The following DOCK11 variants were observed in gnomAD, a reference collection of about 807,000 sequenced individuals.
DOCK11 encodes dedicator of cytokinesis 11.
DOCK11 carries 70 observed loss-of-function variants against 169.1 expected under a neutral mutation model. The ratio of observed to expected loss-of-function variants is 0.41; its 90% CI spans 0.34 to 0.51. The LOEUF is 0.51. Among genes scored for constraint, DOCK11 ranks in the 20% least tolerant of loss-of-function variants. The probability of loss-of-function intolerance (pLI) is 0.10; values close to 1 mark genes in which losing one functional copy is unlikely to be tolerated. For missense variants in DOCK11, 1,166 were observed against 1,538.8 expected (o/e 0.76, Z 4.05); for synonymous variants, 529 against 541.3 (o/e 0.98, Z 0.32).
intron 18 of DOCK11, 122 bp from the exon 19 acceptor site, chrX:118,590,088 G>A: frequency 1.9e-6 from 1 of 527,570 alleles, no homozygotes; most frequent in East Asian, 3.5e-5. Flanking sequence ...GGCTCACGGT[G>A]ACTGCCAGGT....
At chrX:118,577,707 C>G (rs1328679136) in intron 12 of DOCK11, among the ~76,000 whole-genome samples, 1 of 111,590 alleles carries the variant, frequency 9.0e-6, no homozygotes, top group Non-Finnish European at 1.9e-5. Flanking sequence ...AGGGTTCTAT[C>G]TGGTACAAAT....
chrX:118,598,651 G>A (rs951000095), intron 22 of DOCK11, among the ~76,000 whole-genome samples: 1 of 111,542 alleles, frequency 9.0e-6, no homozygotes. Context: ...AGTCCATGCT[G>A]TCTACAGAAT....
chrX:118,598,864 A>C (rs1242125192), intron 22 of DOCK11, among the ~76,000 whole-genome samples: 3 of 111,957 alleles, frequency 2.7e-5, no homozygotes, highest in Non-Finnish European at 5.6e-5. Flanking sequence ...ATTAAAATGG[A>C]GAAGCAGCCC....
At chrX:118,509,353 C>T (rs1165841816) in intron 1 of DOCK11, among the ~76,000 whole-genome samples, 1 of 110,794 alleles carries the variant, frequency 9.0e-6, no homozygotes, top group African/African-American at 3.3e-5. Context: ...ACCTCTGCTT[C>T]CCGTGTTCAA....
intron 20 of DOCK11, among the ~76,000 whole-genome samples, chrX:118,595,359 A>G (rs1381189613): frequency 9.0e-6 from 1 of 111,724 alleles, no homozygotes; most frequent in Non-Finnish European, 1.9e-5. Context: ...GAAAGAAGGT[A>G]TTGCCAATAG....
chrX:118,647,139 ATGTGTGTGTGTGTGTGTGTGTGTGTG>A (rs200211345), intron 40 of DOCK11, among the ~76,000 whole-genome samples: 17 of 85,442 alleles, frequency 2.0e-4, no homozygotes, highest in East Asian at 1.2e-3. Context: ...TGAAGAGGAT[ATGTGTGTGTGTGTGTGTGTGTGTGTG>A]TGTGTGTGTG....
chrX:118,512,973 A>G (rs932230545), intron 1 of DOCK11, among the ~76,000 whole-genome samples: 6 of 111,211 alleles, frequency 5.4e-5, no homozygotes, highest in African/African-American at 2.0e-4. Flanking sequence ...ACCTTCTACT[A>G]TTCCCTAACT....
intron 1 of DOCK11, among the ~76,000 whole-genome samples, chrX:118,523,148 C>T (rs2011300345): frequency 8.9e-6 from 1 of 112,502 alleles, no homozygotes. Context: ...ACATTTCTTC[C>T]TCCTGTCCTA....
At chrX:118,566,299 C>T in intron 8 of DOCK11, 117 bp downstream of exon 8, 1 of 701,556 alleles carries the variant, frequency 1.4e-6, no homozygotes, top group Non-Finnish European at 2.1e-6. Flanking sequence ...CCTGCTTCTT[C>T]ATTAATAAGT....
In DOCK11 at chrX:118,542,948, G is replaced by T; in HGVS notation, c.242G>T (p.Arg81Leu). ...DISISVIGRQ[R>L]RTVQSTVPED... The stretch of plus-strand genomic sequence containing the variant: ...TAGATCTCGGTGATAGGTCGTCAAC[G>T]CAGAACGGTGCAGTCTACTGTACCA... The change falls in exon 3 of 53, where the codon CGC (arginine) becomes CTC (leucine). Residue 81 changes from arginine to leucine, a missense_variant. Physicochemically the swap from Arg to Leu is moderately radical, Grantham distance 102. Transcript: ENST00000276202. The T allele has an allele frequency of 8.3e-7, 1 of 1,209,595 alleles. No homozygotes were observed. The highest frequency in any genetic ancestry group is 1.1e-6 in the Non-Finnish European group (1 of 894,692).
intron 14 of DOCK11, among the ~76,000 whole-genome samples, chrX:118,581,507 T>G (rs2013631075): frequency 9.0e-6 from 1 of 111,535 alleles, no homozygotes; most frequent in South Asian, 3.7e-4. Flanking sequence ...TTGTTAATAG[T>G]TATTGGCTGG....
chrX:118,621,376 T>C (rs780536498), intron 31 of DOCK11, among the ~76,000 whole-genome samples: 1 of 112,137 alleles, frequency 8.9e-6, no homozygotes, highest in Non-Finnish European at 1.9e-5. Context: ...GCATGTTTCC[T>C]ATTAATGATG....
At chrX:118,608,914 A>G (rs1003415057) in intron 26 of DOCK11, among the ~76,000 whole-genome samples, 5 of 111,434 alleles carry the variant, frequency 4.5e-5, no homozygotes, top group African/African-American at 1.6e-4. Context: ...TTGGGGTCCA[A>G]GCTAAGTGCA....
Position 118,609,366 on chromosome X carries a change from A to G in DOCK11, c.2949+17A>G. 1 of 1,100,690 alleles carries G rather than the reference A, an allele frequency of 9.1e-7. No individual in the cohort carries two copies. Among genetic ancestry groups the G allele is most frequent in the Non-Finnish European group, 1.2e-6 (1 of 810,360 alleles). The allele number at this position is 1,100,690 out of a possible 1,213,427, so 90.7% of individuals were successfully genotyped here. On this transcript the variant is annotated intron_variant, in intron 27 of 52. Coordinates refer to ENST00000276202, the MANE Select transcript of DOCK11 (RefSeq NM_144658.4). Reference sequence around the variant, plus strand: ...AAGATTAAGGTAAGTAAATTAAGGTAAAGAATAACTTTCAATTGGCAAATG... The same window carrying G: ...AAGATTAAGGTAAGTAAATTAAGGTGAAGAATAACTTTCAATTGGCAAATG...
At chrX:118,513,387 A>G (rs921939618) in intron 1 of DOCK11, among the ~76,000 whole-genome samples, 4 of 112,230 alleles carry the variant, frequency 3.6e-5, no homozygotes, top group African/African-American at 1.3e-4. Context: ...GTTGTCCCCT[A>G]AAATGTCCTG....
At position 118,580,050 on chromosome X, in the gene DOCK11, T is replaced by C. The variant is rs1474896069; in HGVS notation, c.1513-47T>C. The C allele has an allele frequency of 3.6e-6, 4 of 1,102,890 alleles. No individual in the cohort carries two copies. In the African/African-American group the frequency reaches 5.5e-5, roughly 15 times the overall value. 90.9% of individuals were successfully genotyped at this position (1,102,890 alleles called of 1,213,427 possible). On this transcript the variant is annotated intron_variant, in intron 13 of 52. Coordinates refer to ENST00000276202, the MANE Select transcript of DOCK11 (RefSeq NM_144658.4). ...GAAATTATTTTTCTGGGTGGGTCCATGGCAGTTTGAACAAATACAAGCCTA... is the reference window on the plus strand; with the variant it reads ...GAAATTATTTTTCTGGGTGGGTCCACGGCAGTTTGAACAAATACAAGCCTA...
At chrX:118,650,725 C>T (rs1395458323) in intron 41 of DOCK11, among the ~76,000 whole-genome samples, 1 of 111,675 alleles carries the variant, frequency 9.0e-6, no homozygotes, top group African/African-American at 3.3e-5. Flanking sequence ...GAAATTCCCC[C>T]ATTGGTATTG....
chrX:118,650,621 C>T (rs2015923574), intron 41 of DOCK11, among the ~76,000 whole-genome samples: 3 of 111,814 alleles, frequency 2.7e-5, no homozygotes, highest in South Asian at 7.4e-4. Flanking sequence ...CATCATTACA[C>T]ATTAGGTCCT....
intron 7 of DOCK11, among the ~76,000 whole-genome samples, chrX:118,562,774 A>G (rs189748675): frequency 0.013 from 1,430 of 112,349 alleles, 10 homozygotes; most frequent in Non-Finnish European, 0.019. Context: ...CTTAAAGGCT[A>G]CTGCCGTGAA....
Sources: allele counts gnomAD v4.1 joint callset (sites outside exome capture counted in the v4.1 genomes callset), GRCh38; gene constraint gnomAD v4.1.1; transcripts MANE v1.5; gene names NCBI Gene and HGNC (gene_info 2026-07-23, HGNC 2026-07-21).